SDK1: variants seen among roughly 807,000 people sequenced by gnomAD.
SDK1 encodes sidekick cell adhesion molecule 1.
Under a neutral mutation model 245.5 loss-of-function variants are expected in SDK1, and 157 were observed. That is an observed-to-expected ratio of 0.64 (90% CI 0.56 to 0.73). The LOEUF (loss-of-function observed/expected upper bound fraction) is 0.73, where lower values mean the gene tolerates loss of function less well. SDK1 is among the 30% of genes least tolerant of loss of function. SDK1 has a pLI of 0.00. For synonymous variants in SDK1, 1,647 were observed against 1,278.5 expected (o/e 1.29, Z -6.15); for missense variants, 3,583 against 3,002.3 (o/e 1.19, Z -4.52).
At chr7:3,479,390 C>T (rs906129376) in intron 1 of SDK1, among the ~76,000 whole-genome samples, 2 of 137,032 alleles carry the variant, frequency 1.5e-5, no homozygotes. Flanking sequence ...CCACTGCACT[C>T]CAGCCTGGGT....
chr7:3,305,075 C>T (rs1779382118), intron 1 of SDK1, among the ~76,000 whole-genome samples: 2 of 152,170 alleles, frequency 1.3e-5, no homozygotes, highest in South Asian at 4.1e-4. Flanking sequence ...TTTTATGGAC[C>T]TTGGGCCTGT....
chr7:3,489,433 C>A (rs1781802709), intron 1 of SDK1, among the ~76,000 whole-genome samples: 1 of 152,100 alleles, frequency 6.6e-6, no homozygotes, highest in South Asian at 2.1e-4. Flanking sequence ...AATTCTACTC[C>A]TGTTAGTATA....
At chr7:3,504,608 A>G (rs1782330048) in intron 1 of SDK1, among the ~76,000 whole-genome samples, 1 of 152,188 alleles carries the variant, frequency 6.6e-6, no homozygotes, top group Admixed American at 6.5e-5. Flanking sequence ...CTGGATATCT[A>G]CAAGAAAAGA....
In SDK1 at chr7:4,129,951, A is replaced by G. The variant is rs1176400117; in HGVS notation, c.3983A>G (p.His1328Arg). The G allele has an allele frequency of 1.9e-6, 3 of 1,613,734 alleles. No homozygotes were observed. Among genetic ancestry groups the G allele is most frequent in the South Asian group, 2.2e-5 (2 of 91,086 alleles). ...GACCTGGATCCCGAGCCCAGGAGCC[A>G]CATCGTGCGAGGGAACCACACGCAG... ...AKDLDPEPRS[H>R]IVRGNHTQSA... The change falls in exon 27 of 45, where the codon CAC becomes CGC. Residue 1328 changes from histidine to arginine, a missense_variant. Coordinates refer to ENST00000404826, the MANE Select transcript of SDK1 (RefSeq NM_152744.4).
intron 1 of SDK1, among the ~76,000 whole-genome samples, chr7:3,492,091 G>A (rs1340715678): frequency 6.6e-6 from 1 of 152,148 alleles, no homozygotes; most frequent in African/African-American, 2.4e-5. Flanking sequence ...TTATTTGGCA[G>A]GATAAAACTT....
At chr7:3,589,180 G>C (rs1459528594) in intron 1 of SDK1, among the ~76,000 whole-genome samples, 1 of 152,112 alleles carries the variant, frequency 6.6e-6, no homozygotes, top group Non-Finnish European at 1.5e-5. Context: ...CTCACAGTTG[G>C]CGTGGAGCTT....
chr7:3,738,911 G>T lies in SDK1; in HGVS notation c.714-82539G>T, dbSNP rs189491283. ...TTGCTAAATGTGTTTATTCTAACAG[G>T]TTTTTTGTGGAATCTTTAGTGTGTT... On this transcript the variant is annotated intron_variant, in intron 4 of 44. Coordinates refer to ENST00000404826, the MANE Select transcript of SDK1 (RefSeq NM_152744.4). 2.4e-3 allele frequency among the ~76,000 whole-genome samples: 367 copies of T among 151,816 alleles called. 3 individuals carry two copies. Among genetic ancestry groups the T allele is most frequent in the African/African-American group, 8.6e-3 (355 of 41,440 alleles).
intron 22 of SDK1, among the ~76,000 whole-genome samples, chr7:4,107,732 G>A (rs557309908): frequency 2.6e-5 from 4 of 152,200 alleles, no homozygotes; most frequent in East Asian, 1.9e-4. Flanking sequence ...GCCCGCCTAC[G>A]ACCCCCATCT....
At chr7:3,628,070 G>A (rs1209592196) in intron 2 of SDK1, among the ~76,000 whole-genome samples, 1 of 152,046 alleles carries the variant, frequency 6.6e-6, no homozygotes, top group East Asian at 1.9e-4. Context: ...TTCCTTAACT[G>A]CGCTCCCTTT....
intron 4 of SDK1, among the ~76,000 whole-genome samples, chr7:3,689,859 T>A (rs1784397311): frequency 6.6e-6 from 1 of 152,240 alleles, no homozygotes; most frequent in South Asian, 2.1e-4. Flanking sequence ...AATTACCTTT[T>A]GCAAAAAACC....
intron 17 of SDK1, among the ~76,000 whole-genome samples, chr7:4,040,640 G>C (rs1027509853): frequency 7.9e-5 from 12 of 152,260 alleles, no homozygotes; most frequent in Non-Finnish European, 7.4e-5. Flanking sequence ...GATTTACATA[G>C]GGCATGAAAG....
At chr7:4,016,312 G>T (rs1786396707) in intron 16 of SDK1, among the ~76,000 whole-genome samples, 1 of 152,258 alleles carries the variant, frequency 6.6e-6, no homozygotes, top group African/African-American at 2.4e-5. Context: ...TTTGGAAGCT[G>T]CAGGATGACA....
Position 3,446,442 on chromosome 7 carries a change from C to G in SDK1, c.298+144558C>G, listed in dbSNP as rs535504641. Reference sequence around the variant, plus strand: ...AATCTTATAGTTGATAAGTTTTCTACCAGCATCTTACAGCAAAAATTACAA... The same window carrying G: ...AATCTTATAGTTGATAAGTTTTCTAGCAGCATCTTACAGCAAAAATTACAA... On this transcript the variant is annotated intron_variant, in intron 1 of 44. Coordinates refer to ENST00000404826, the MANE Select transcript of SDK1 (RefSeq NM_152744.4). Among the ~76,000 whole-genome samples the G allele has an allele frequency of 4.6e-5, 7 of 152,172 alleles. 1 individual carries two copies. Among genetic ancestry groups the G allele is most frequent in the African/African-American group, 1.7e-4 (7 of 41,534 alleles).
At chr7:3,932,299 C>T (rs563473867) in intron 5 of SDK1, among the ~76,000 whole-genome samples, 3 of 152,276 alleles carry the variant, frequency 2.0e-5, no homozygotes, top group Admixed American at 6.5e-5. Flanking sequence ...ACACATACAG[C>T]CTCCGCCTGG....
chr7:4,066,418 T>C (rs1425818623), intron 19 of SDK1, among the ~76,000 whole-genome samples: 1 of 152,164 alleles, frequency 6.6e-6, no homozygotes, highest in African/African-American at 2.4e-5. Context: ...GAGTGCACTG[T>C]CTCTCTTCCC....
intron 1 of SDK1, among the ~76,000 whole-genome samples, chr7:3,387,355 T>G (rs189583899): frequency 2.2e-4 from 34 of 152,184 alleles, no homozygotes; most frequent in African/African-American, 7.7e-4. Context: ...AGTCCAGAGG[T>G]GGGCTGTCTT....
chr7:3,966,551 C>G (rs1782098591), intron 9 of SDK1, among the ~76,000 whole-genome samples: 1 of 152,258 alleles, frequency 6.6e-6, no homozygotes, highest in South Asian at 2.1e-4. Flanking sequence ...ACTTGGGGAT[C>G]ATGACACCTC....
At chr7:3,659,530 G>A (rs536876486) in intron 4 of SDK1, among the ~76,000 whole-genome samples, 4 of 152,154 alleles carry the variant, frequency 2.6e-5, no homozygotes, top group Admixed American at 6.5e-5. Flanking sequence ...TTCCAAGGCC[G>A]AAAGGGGGCC....
intron 4 of SDK1, among the ~76,000 whole-genome samples, chr7:3,709,307 T>A (rs1256217219): frequency 6.6e-6 from 1 of 152,254 alleles, no homozygotes; most frequent in Non-Finnish European, 1.5e-5. Context: ...CTGAGAAGTC[T>A]GCTGATAGAA....
Sources: allele counts gnomAD v4.1 joint callset (sites outside exome capture counted in the v4.1 genomes callset), GRCh38; gene constraint gnomAD v4.1.1; transcripts MANE v1.5; gene names NCBI Gene and HGNC (gene_info 2026-07-23, HGNC 2026-07-21).